Variants in PKD1L1 observed in about 807,000 individuals in gnomAD.
PKD1L1 encodes the protein polycystin-1-like protein 1.
Under a neutral mutation model 323.4 loss-of-function variants are expected in PKD1L1, and 236 were observed. The observed-to-expected ratio is 0.73, with a 90% CI of 0.66 to 0.81. The LOEUF is 0.81. PKD1L1 is among the 40% of genes least tolerant of loss of function. The pLI is 0.00. For missense variants in PKD1L1, 3,320 were observed against 3,508.0 expected (o/e 0.95, Z 1.35); for synonymous variants, 1,344 against 1,335.0 (o/e 1.01, Z -0.15).
intron 9 of PKD1L1, 71 bp downstream of exon 9, chr7:47,908,006 A>G: frequency 1.4e-6 from 2 of 1,459,588 alleles, no homozygotes; most frequent in South Asian, 1.4e-5. Flanking sequence ...GAACAGTATA[A>G]GTAAAGCGGA....
At chr7:47,951,987 A>T (rs770101740), upstream of PKD1L1, among the ~76,000 whole-genome samples, 1 of 152,182 alleles carries the variant, frequency 6.6e-6, no homozygotes, top group African/African-American at 2.4e-5. Context: ...GCACATGCTG[A>T]CATGTCCCTT....
At chr7:47,816,061 T>C (rs1383273715) in intron 46 of PKD1L1, among the ~76,000 whole-genome samples, 1 of 152,162 alleles carries the variant, frequency 6.6e-6, no homozygotes, top group East Asian at 1.9e-4. Flanking sequence ...GCCACAGGGC[T>C]GGTGCAGAGG....
the PKD1L1 span, chr7:47,956,666 C>G: frequency 6.6e-6 from 1 of 152,188 alleles, no homozygotes; most frequent in Non-Finnish European, 1.5e-5. Context: ...AGATGAAGAA[C>G]AGTCAGGGAA....
At chr7:47,865,646 C>A (rs374021655) in intron 25 of PKD1L1, among the ~76,000 whole-genome samples, 4 of 142,486 alleles carry the variant, frequency 2.8e-5, no homozygotes, top group African/African-American at 1.1e-4. Flanking sequence ...AGTGCAGTGG[C>A]GCGATCTCAG....
chr7:47,800,637 GTGTTTACTTACCATT>G lies in PKD1L1; in HGVS notation c.8190_8193+11del. The G allele has an allele frequency of 3.1e-6, 5 of 1,609,642 alleles. No homozygotes were observed. The highest frequency in any genetic ancestry group is 4.3e-6 in the Non-Finnish European group (5 of 1,176,004). ...AAACCATAACTTGAAAGTTGGGGAT[GTGTTTACTTACCATT>G]CCAAAACACAGTGTGGCAGAGACTA... On this transcript the variant is annotated splice_donor_variant and splice_donor_5th_base_variant and coding_sequence_variant and intron_variant, in exon 54 of 57. Transcript: ENST00000289672. LOFTEE classifies it high-confidence loss of function.
upstream of PKD1L1, among the ~76,000 whole-genome samples, chr7:47,949,344 G>C (rs954506306): frequency 7.4e-6 from 1 of 135,112 alleles, no homozygotes; most frequent in African/African-American, 2.9e-5. Flanking sequence ...ACTCCAGCCT[G>C]GGCAACAGAG....
chr7:47,855,432 G>A (rs1310737772), intron 28 of PKD1L1, among the ~76,000 whole-genome samples, 167 bp from the exon 29 acceptor site: 4 of 152,130 alleles, frequency 2.6e-5, no homozygotes, highest in Non-Finnish European at 5.9e-5. Context: ...TAGTCAGGAT[G>A]GCAGGATTGG....
At chr7:47,848,525 C>T (rs998244507) in intron 31 of PKD1L1, among the ~76,000 whole-genome samples, 4 of 152,158 alleles carry the variant, frequency 2.6e-5, no homozygotes, top group African/African-American at 4.8e-5. Flanking sequence ...TTATAATCAT[C>T]GAGGCTGGGC....
intron 54 of PKD1L1, among the ~76,000 whole-genome samples, chr7:47,799,246 G>A (rs1273783496): frequency 6.6e-6 from 1 of 152,154 alleles, no homozygotes; most frequent in Non-Finnish European, 1.5e-5. Context: ...GTGTGTGGAT[G>A]GGTGATCGAT....
intron 26 of PKD1L1, among the ~76,000 whole-genome samples, chr7:47,860,597 A>G (rs1786002383): frequency 1.3e-5 from 2 of 152,336 alleles, no homozygotes; most frequent in Middle Eastern, 6.8e-3. Flanking sequence ...GGCCCTTTAC[A>G]TGAGGTAGCT....
rs1784962803 is a variant in PKD1L1 at position 47,814,034 on chromosome 7, G to A, written c.7090-20C>T. The stretch of plus-strand genomic sequence containing the variant: ...TCCAGGCTGAAAGGAGAAAAAAGAT[G>A]ATGAGGACTGGGTGTGCTGTGGACT... On this transcript the variant is annotated intron_variant, in intron 47 of 56. Coordinates refer to ENST00000289672, the MANE Select transcript of PKD1L1 (RefSeq NM_138295.5). 3.7e-6 allele frequency: 6 copies of A among 1,605,078 alleles called. No individual in the cohort carries two copies. The East Asian group carries it at 1.3e-4, about 36-fold the overall frequency.
chr7:47,929,116 T>G, intron 7 of PKD1L1, 88 bp downstream of exon 7: 1 of 1,359,410 alleles, frequency 7.4e-7, no homozygotes, highest in Non-Finnish European at 1.0e-6. Flanking sequence ...CGGAATGCAG[T>G]TTCTTTTCTT....
chr7:47,908,275 A>T, intron 8 of PKD1L1, 25 bp from the exon 9 acceptor site: 1 of 1,594,440 alleles, frequency 6.3e-7, no homozygotes, highest in South Asian at 1.1e-5. Context: ...ATGAACGGAC[A>T]CTTGATGAAT....
intron 56 of PKD1L1, among the ~76,000 whole-genome samples, chr7:47,780,861 T>A (rs940091463): frequency 4.6e-5 from 7 of 152,380 alleles, no homozygotes; most frequent in African/African-American, 1.7e-4. Flanking sequence ...ATAAAGCTGC[T>A]GTGAACATTC....
intron 55 of PKD1L1, among the ~76,000 whole-genome samples, chr7:47,794,365 T>G (rs1178298603): frequency 1.3e-5 from 2 of 152,252 alleles, no homozygotes; most frequent in East Asian, 3.9e-4. Flanking sequence ...TCCCAGTTGC[T>G]CCAGCCATGG....
intron 2 of PKD1L1, among the ~76,000 whole-genome samples, chr7:47,942,446 C>T (rs1396987686): frequency 1.3e-5 from 2 of 151,926 alleles, no homozygotes; most frequent in Non-Finnish European, 2.9e-5. Flanking sequence ...CCCGCGCCCC[C>T]GCCCCCCCAC....
chr7:47,919,940 CCTCT>C (rs1270668163), intron 7 of PKD1L1, among the ~76,000 whole-genome samples: 1 of 152,048 alleles, frequency 6.6e-6, no homozygotes, highest in East Asian at 1.9e-4. Context: ...GAAAGCATTC[CCTCT>C]GAGAACTCGA....
intron 9 of PKD1L1, among the ~76,000 whole-genome samples, chr7:47,907,289 T>C (rs1428017842): frequency 6.6e-6 from 1 of 152,220 alleles, no homozygotes; most frequent in African/African-American, 2.4e-5. Context: ...TTCTCCTGTT[T>C]CTGGGAAATG....
intron 56 of PKD1L1, among the ~76,000 whole-genome samples, chr7:47,780,222 C>G (rs982799044): frequency 6.6e-6 from 1 of 152,194 alleles, no homozygotes; most frequent in Non-Finnish European, 1.5e-5. Flanking sequence ...AAGATCCCTT[C>G]TGCTGTCCTT....
Sources: gnomAD v4.1 joint callset for allele counts (sites outside exome capture counted in the v4.1 genomes callset) on GRCh38, gnomAD v4.1.1 for gene constraint, MANE v1.5 for transcripts, NCBI Gene and HGNC (gene_info 2026-07-23, HGNC 2026-07-21) for gene names.